Variants in RBM33 observed in about 807,000 individuals in gnomAD.
RBM33 encodes the protein RNA binding motif protein 33.
In RBM33, 28 loss-of-function variants were observed where a neutral mutation model predicts 132.6. The ratio of observed to expected loss-of-function variants is 0.21; its 90% CI spans 0.16 to 0.29. The LOEUF is 0.29. RBM33 is among the 10% of genes least tolerant of loss of function. RBM33 has a pLI of 1.00. For synonymous variants in RBM33, 634 were observed against 593.0 expected (o/e 1.07, Z -1.01); for missense variants, 1,291 against 1,518.5 (o/e 0.85, Z 2.49).
At chr7:155,761,526 T>C (rs1300895680) in intron 14 of RBM33, among the ~76,000 whole-genome samples, 1 of 152,252 alleles carries the variant, frequency 6.6e-6, no homozygotes, top group Admixed American at 6.5e-5. Context: ...GTTTTGGTAC[T>C]TGTGTCTCGT....
Position 155,680,581 on chromosome 7 carries a change from CCT to C in RBM33, c.249-4_249-3del. The stretch of plus-strand genomic sequence containing the variant: ...GGGTGCTTTTTTTTTTTATTTTCGT[CCT>C]CTCTAGTTCTCAGGGTGTTACAATT... On this transcript the variant is annotated splice_polypyrimidine_tract_variant and splice_region_variant and intron_variant, in intron 4 of 17. Transcript: ENST00000401878. 1 of 1,533,430 alleles carries C rather than the reference CCT, an allele frequency of 6.5e-7. No individual in the cohort carries two copies. Among genetic ancestry groups the C allele is most frequent in the Non-Finnish European group, 8.7e-7 (1 of 1,144,946 alleles). 95.0% of individuals were successfully genotyped at this position (1,533,430 alleles called of 1,614,324 possible). A position where few individuals can be genotyped will look rare whatever the true frequency, so the allele number is the denominator to read the frequency against.
intron 5 of RBM33, among the ~76,000 whole-genome samples, chr7:155,696,711 A>G (rs1419377426): frequency 6.6e-6 from 1 of 152,194 alleles, no homozygotes; most frequent in Non-Finnish European, 1.5e-5. Flanking sequence ...ATGATGAACC[A>G]TGTTCCAGAT....
intron 14 of RBM33, among the ~76,000 whole-genome samples, chr7:155,756,563 T>C (rs1801857609): frequency 6.6e-6 from 1 of 152,168 alleles, no homozygotes; most frequent in Non-Finnish European, 1.5e-5. Context: ...TTGGGCCAAG[T>C]GTGAGTCTAG....
At chr7:155,709,560 A>G (rs777250309) in intron 7 of RBM33, among the ~76,000 whole-genome samples, 3 of 152,162 alleles carry the variant, frequency 2.0e-5, no homozygotes, top group Non-Finnish European at 2.9e-5. Flanking sequence ...CATGTTTCAC[A>G]GGCCCTGAAT....
rs138044732 is a variant in RBM33, at chr7:155,745,406, A to G, written c.2783A>G (p.His928Arg). ...TVPQSQTQPLHKVLPIKPADV... is the reference protein window; with the variant it reads ...TVPQSQTQPLRKVLPIKPADV... ...CCTCAAAGTCAGACTCAGCCGCTGCATAAAGTGCTCCCGATCAAACCTGCA... is the reference window on the plus strand; with the variant it reads ...CCTCAAAGTCAGACTCAGCCGCTGCGTAAAGTGCTCCCGATCAAACCTGCA... Residue 928 changes from histidine to arginine, a missense_variant, in exon 14 of 18, where the codon CAT (histidine) becomes CGT (arginine). Transcript: ENST00000401878. This position sits in a 1 kb window ranked among gnomAD's most constrained non-coding sequence, Gnocchi z 4.1. The G allele has an allele frequency of 3.1e-6, 5 of 1,613,690 alleles. No individual in the cohort carries two copies. The highest frequency in any genetic ancestry group is 4.2e-6 in the Non-Finnish European group (5 of 1,179,814).
chr7:155,736,392 T>G (rs1801128072), intron 9 of RBM33, among the ~76,000 whole-genome samples: 1 of 152,212 alleles, frequency 6.6e-6, no homozygotes. Context: ...TTGATGATAG[T>G]TAATAGTTAA....
At chr7:155,655,011 A>G (rs1798453834) in intron 1 of RBM33, among the ~76,000 whole-genome samples, 2 of 152,200 alleles carry the variant, frequency 1.3e-5, no homozygotes, top group Admixed American at 1.3e-4. Context: ...ATCATGTATT[A>G]GTTTGGTATA....
chr7:155,718,060 T>C (rs10244088), intron 8 of RBM33, among the ~76,000 whole-genome samples: 36,567 of 151,992 alleles, frequency 0.24, 4,638 homozygotes, highest in African/African-American at 0.33. Flanking sequence ...ATTATCTGTA[T>C]AGGGATAGGA....
intron 14 of RBM33, among the ~76,000 whole-genome samples, chr7:155,755,955 G>C (rs907718545): frequency 6.6e-6 from 1 of 152,014 alleles, no homozygotes; most frequent in South Asian, 2.1e-4. Flanking sequence ...ATAATCATTT[G>C]TGGGAAAAAA....
chr7:155,673,972 T>TTTTTTTTTTTTTTTTTTTTG (rs1799103656), intron 3 of RBM33, among the ~76,000 whole-genome samples: 1 of 131,516 alleles, frequency 7.6e-6, no homozygotes, highest in Non-Finnish European at 1.6e-5. Flanking sequence ...TTTTTTTTTT[T>TTTTTTTTTTTTTTTTTTTTG]GAGACACAGT....
At chr7:155,736,864 A>C (rs1801141831) in intron 9 of RBM33, among the ~76,000 whole-genome samples, 1 of 152,224 alleles carries the variant, frequency 6.6e-6, no homozygotes, top group Admixed American at 6.5e-5. Context: ...TAAGCTTAAA[A>C]ATAATATTCT....
rs1425642770 is a variant in RBM33 at position 155,732,481 on chromosome 7, G to A, written c.1261-5049G>A. Among the ~76,000 whole-genome samples, 4 of 152,114 alleles carry A rather than the reference G, an allele frequency of 2.6e-5. No individual in the cohort carries two copies. In the East Asian group the frequency reaches 5.8e-4, roughly 22 times the overall value. On this transcript the variant is annotated intron_variant, in intron 9 of 17. Coordinates refer to ENST00000401878, the MANE Select transcript of RBM33 (RefSeq NM_053043.3). ...GTGACTGATAGAGCTGATGAGTTGC[G>A]AGCCCTGAAGTGTGCTGACTATGGT...
chr7:155,741,729 T>A, intron 12 of RBM33, 90 bp from the exon 13 acceptor site: 1 of 1,212,224 alleles, frequency 8.2e-7, no homozygotes, highest in Non-Finnish European at 1.2e-6. Context: ...TTAGAATGAT[T>A]TATTGTGTTT....
chr7:155,718,268 A>G, intron 8 of RBM33, 117 bp from the exon 9 acceptor site: 2 of 726,604 alleles, frequency 2.8e-6, no homozygotes, highest in Non-Finnish European at 4.8e-6. Context: ...CGTAAGCACA[A>G]TGTATTATAT....
At chr7:155,673,940 G>GTTGTTTTTTGTTTTTGTTT in intron 3 of RBM33, among the ~76,000 whole-genome samples, 8 of 54,214 alleles carry the variant, frequency 1.5e-4, no homozygotes, top group Admixed American at 2.6e-4. Flanking sequence ...TTTAGGCTTA[G>GTTGTTTTTTGTTTTTGTTT]TTTTTTTTTT....
Position 155,647,991 on chromosome 7 carries a change from T to TA in RBM33, c.43+3073dup, listed in dbSNP as rs535389535. Among the ~76,000 whole-genome samples the TA allele has an allele frequency of 2.7e-3, 412 of 152,348 alleles. 6 individuals are homozygous for TA. Among genetic ancestry groups the TA allele is most frequent in the Admixed American group, 0.024 (367 of 15,306 alleles). On this transcript the variant is annotated intron_variant, in intron 1 of 17. Transcript: ENST00000401878. ...AAAGCCTCCAACCTAGTGAGTGCGT[T>TA]ATCTCACTTAAGATTTACAACAGCA...
At chr7:155,722,229 G>A (rs1278112932) in intron 9 of RBM33, among the ~76,000 whole-genome samples, 1 of 152,140 alleles carries the variant, frequency 6.6e-6, no homozygotes, top group Non-Finnish European at 1.5e-5. Context: ...AACATGTCCT[G>A]TGTGACTGAT....
chr7:155,759,116 A>G (rs889512390), intron 14 of RBM33, among the ~76,000 whole-genome samples: 1 of 152,244 alleles, frequency 6.6e-6, no homozygotes, highest in African/African-American at 2.4e-5. Flanking sequence ...ACACCATCAC[A>G]TCAGGACCCT....
At chr7:155,747,845 C>A (rs1011548781) in intron 14 of RBM33, among the ~76,000 whole-genome samples, 1 of 152,212 alleles carries the variant, frequency 6.6e-6, no homozygotes, top group South Asian at 2.1e-4. Flanking sequence ...ATAGGATTTG[C>A]CTAATGGCAT....
Sources: allele counts gnomAD v4.1 joint callset (sites outside exome capture counted in the v4.1 genomes callset), GRCh38; gene constraint gnomAD v4.1.1; non-coding constraint Gnocchi (gnomAD v3.1); transcripts MANE v1.5; gene names NCBI Gene and HGNC (gene_info 2026-07-23, HGNC 2026-07-21).